TRIO: variants seen among roughly 807,000 people sequenced by gnomAD.
TRIO encodes triple functional domain protein.
A neutral mutation model predicts 351.9 loss-of-function variants in TRIO; 58 were observed. The observed-to-expected ratio is 0.16, with a 90% confidence interval of 0.13 to 0.21. The LOEUF is 0.21. TRIO is among the 10% of genes least tolerant of loss of function. TRIO has a pLI of 1.00. For synonymous variants in TRIO, 1,758 were observed against 1,595.7 expected, an observed-to-expected ratio of 1.10 and a Z score of -2.42; for missense variants, 3,201 against 4,027.8, an observed-to-expected ratio of 0.79 and a Z score of 5.56.
chr5:14,242,178 A>G (rs1581428453), intron 1 of TRIO, among the ~76,000 whole-genome samples: 1 of 152,236 alleles, frequency 6.6e-6, no homozygotes, highest in African/African-American at 2.4e-5. Context: ...CCAAGCAGGG[A>G]GGCCTTGCTT....
chr5:14,323,840 T>C (rs752281130), intron 9 of TRIO, among the ~76,000 whole-genome samples: 8 of 152,250 alleles, frequency 5.3e-5, no homozygotes, highest in Non-Finnish European at 1.0e-4. Flanking sequence ...ATTTTTACTT[T>C]GTAGGTAAAT....
Position 14,280,734 on chromosome 5 carries a change from A to G in TRIO, c.347+298A>G, listed in dbSNP as rs921235818. 2.8e-4 allele frequency among the ~76,000 whole-genome samples: 42 copies of G among 152,294 alleles called. No homozygotes were observed. The Middle Eastern group carries it at 0.01, about 37-fold the overall frequency. The stretch of plus-strand genomic sequence containing the variant: ...TTAGAAAGCCATTGTTGATGATTCT[A>G]ATACCGTGACACAGAGGCCTGGGTG... On this transcript the variant is annotated intron_variant, in intron 3 of 56. Transcript: ENST00000344204.
chr5:14,338,266 C>T (rs1349307113), intron 11 of TRIO, among the ~76,000 whole-genome samples: 1 of 152,172 alleles, frequency 6.6e-6, no homozygotes, highest in Non-Finnish European at 1.5e-5. Flanking sequence ...AGTGGTTCTT[C>T]TTGTATGTGG....
chr5:14,306,627 C>T (rs914175081), intron 8 of TRIO, among the ~76,000 whole-genome samples: 1 of 152,196 alleles, frequency 6.6e-6, no homozygotes, highest in African/African-American at 2.4e-5. Flanking sequence ...ATGCCCTTGC[C>T]CTTGCCAAAC....
chr5:14,375,711 GAGGGCGCTTAGCACTGTT>G (rs1745498074), intron 19 of TRIO, among the ~76,000 whole-genome samples: 1 of 152,224 alleles, frequency 6.6e-6, no homozygotes, highest in South Asian at 2.1e-4. Flanking sequence ...CCGTATCCAA[GAGGGCGCTTAGCACTGTT>G]TGCTGCTCAC....
rs1358951761 is a variant in TRIO at position 14,508,111 on chromosome 5, G to A, written c.8983G>A (p.Asp2995Asn). ...LLSGVSPFLD[D>N]SVEETCLNIC... ...TAGTGGCGTGTCCCCCTTCCTGGAT[G>A]ACAGTGTGGAAGAGACCTGCCTGAA... Residue 2995 changes from aspartate to asparagine, a missense_variant, in exon 57 of 57, where the codon GAC (aspartate) becomes AAC (asparagine). Transcript: ENST00000344204. 1 of 1,614,230 alleles carries A rather than the reference G, an allele frequency of 6.2e-7. No homozygotes were observed. Among genetic ancestry groups the A allele is most frequent in the Non-Finnish European group, 8.5e-7 (1 of 1,180,046 alleles).
At chr5:14,239,542 T>C (rs1350591025) in intron 1 of TRIO, among the ~76,000 whole-genome samples, 1 of 152,168 alleles carries the variant, frequency 6.6e-6, no homozygotes, top group Non-Finnish European at 1.5e-5. Flanking sequence ...GGGTACTGAT[T>C]CCCTGTTTGA....
At chr5:14,215,988 G>A (rs1354359774) in intron 1 of TRIO, among the ~76,000 whole-genome samples, 1 of 152,132 alleles carries the variant, frequency 6.6e-6, no homozygotes, top group African/African-American at 2.4e-5. Flanking sequence ...TAGCCATGCT[G>A]CTTGCCTTCT....
intron 34 of TRIO, among the ~76,000 whole-genome samples, chr5:14,455,679 T>TC (rs1206972141): frequency 6.6e-6 from 1 of 151,946 alleles, no homozygotes; most frequent in Non-Finnish European, 1.5e-5. Context: ...GTTCTCCAAC[T>TC]CCCCACCAGA....
At chr5:14,168,963 C>T (rs1788939510) in intron 1 of TRIO, among the ~76,000 whole-genome samples, 1 of 152,212 alleles carries the variant, frequency 6.6e-6, no homozygotes, top group African/African-American at 2.4e-5. Context: ...ACAGGGAGGC[C>T]TTGCCGACTG....
intron 39 of TRIO, 137 bp from the exon 40 acceptor site, chr5:14,473,857 T>C: frequency 1.5e-6 from 1 of 688,998 alleles, no homozygotes; most frequent in Non-Finnish European, 2.3e-6. Context: ...CGGTTTTTTT[T>C]GTTTGTTTTT....
chr5:14,230,111 T>C (rs531019629), intron 1 of TRIO, among the ~76,000 whole-genome samples: 2 of 152,316 alleles, frequency 1.3e-5, no homozygotes, highest in Non-Finnish European at 2.9e-5. Flanking sequence ...GCAACTCATA[T>C]ATTATGAGCC....
At chr5:14,258,243 G>C (rs1207971294) in intron 1 of TRIO, among the ~76,000 whole-genome samples, 2 of 152,180 alleles carry the variant, frequency 1.3e-5, no homozygotes, top group East Asian at 3.9e-4. Flanking sequence ...CATGTGTGTA[G>C]CTCCCTTTTA....
In TRIO at chr5:14,474,029, T is replaced by C. The variant is rs745576790; in HGVS notation, c.6015T>C (p.Pro2005=). 6.2e-7 allele frequency: 1 copy of C among 1,613,658 alleles called. No individual in the cohort carries two copies. Among genetic ancestry groups the C allele is most frequent in the South Asian group, 1.1e-5 (1 of 91,052 alleles). The change falls in exon 40 of 57, where the codon CCT becomes CCC. Residue 2005 remains proline, a synonymous_variant. Coordinates refer to ENST00000344204, the MANE Select transcript of TRIO (RefSeq NM_007118.4). ...CACTTATGAAAGAAGATGGTGTTCC[T>C]GATGACATGAAAGGAAAAGACAAAA... ...YMALMKEDGV[P]DDMKGKDKIV...
At chr5:14,241,754 C>T (rs1171196988) in intron 1 of TRIO, among the ~76,000 whole-genome samples, 5 of 152,170 alleles carry the variant, frequency 3.3e-5, no homozygotes, top group Non-Finnish European at 5.9e-5. Flanking sequence ...TGTCTTCCCC[C>T]AGACACTCTA....
intron 52 of TRIO, 36 bp downstream of exon 52, chr5:14,498,287 TG>T: frequency 1.9e-6 from 3 of 1,604,320 alleles, no homozygotes; most frequent in Non-Finnish European, 2.6e-6. Context: ...TTTCGCTGGC[TG>T]GGAGCACCAT....
At chr5:14,341,671 G>A (rs1741952160) in intron 11 of TRIO, among the ~76,000 whole-genome samples, 1 of 152,042 alleles carries the variant, frequency 6.6e-6, no homozygotes, top group Admixed American at 6.5e-5. Flanking sequence ...TCAAAATTAG[G>A]TCCTGAGTTA....
At position 14,400,841 on chromosome 5, in the gene TRIO, A is replaced by G. The variant is rs778296821; in HGVS notation, c.4615-122A>G. The stretch of plus-strand genomic sequence containing the variant: ...TATAACTCACATGACAGCTGAGATC[A>G]CTAGTGACGTTCTTATAACCTAACA... On this transcript the variant is annotated intron_variant, in intron 30 of 56. Transcript: ENST00000344204. The G allele has an allele frequency of 3.1e-4, 236 of 762,638 alleles. 1 individual carries two copies. The highest frequency in any genetic ancestry group is 4.8e-4 in the Non-Finnish European group (224 of 461,988). 47.2% of individuals were successfully genotyped at this position (762,638 alleles called of 1,614,324 possible).
intron 34 of TRIO, among the ~76,000 whole-genome samples, chr5:14,430,370 A>C (rs1024674020): frequency 6.6e-5 from 10 of 152,176 alleles, no homozygotes; most frequent in African/African-American, 2.2e-4. Context: ...TGAAATATTT[A>C]TGTAAATCAT....
Sources: allele counts gnomAD v4.1 joint callset (sites outside exome capture counted in the v4.1 genomes callset), GRCh38; gene constraint gnomAD v4.1.1; transcripts MANE v1.5; gene names NCBI Gene and HGNC (gene_info 2026-07-23, HGNC 2026-07-21).